The following EPHA5 variants were observed in gnomAD, a reference collection of about 807,000 sequenced individuals.
EPHA5 encodes the protein EPH receptor A5.
Under a neutral mutation model 105.0 loss-of-function variants are expected in EPHA5, and 60 were observed. That is an observed-to-expected ratio of 0.57 (90% confidence interval 0.46 to 0.71). The LOEUF is 0.71. Among genes scored for constraint, EPHA5 ranks in the 30% least tolerant of loss-of-function variants. EPHA5 has a pLI of 0.00. For missense variants in EPHA5, 1,218 were observed against 1,274.7 expected, an observed-to-expected ratio of 0.96 and a Z score of 0.68; for synonymous variants, 513 against 449.1, an observed-to-expected ratio of 1.14 and a Z score of -1.80.
At chr4:65,506,943 T>C (rs964972124) in intron 3 of EPHA5, among the ~76,000 whole-genome samples, 2 of 152,150 alleles carry the variant, frequency 1.3e-5, no homozygotes, top group African/African-American at 2.4e-5. Flanking sequence ...TCCTTGCCCA[T>C]GCCTATGTCC....
At chr4:65,441,571 T>C (rs1042397571) in intron 5 of EPHA5, among the ~76,000 whole-genome samples, 3 of 151,752 alleles carry the variant, frequency 2.0e-5, no homozygotes, top group South Asian at 4.2e-4. Flanking sequence ...GAGGAAGAGA[T>C]AAAGTAAGAA....
intron 4 of EPHA5, among the ~76,000 whole-genome samples, chr4:65,494,977 G>A (rs984901419): frequency 6.2e-5 from 8 of 129,308 alleles, no homozygotes; most frequent in African/African-American, 2.0e-4. Context: ...AAGAGGAGGA[G>A]GAGGAAGAGG....
At chr4:65,405,233 C>G (rs550492101) in intron 7 of EPHA5, among the ~76,000 whole-genome samples, 4 of 151,158 alleles carry the variant, frequency 2.6e-5, no homozygotes, top group Non-Finnish European at 5.9e-5. Context: ...CTTAAATAAG[C>G]AAATAAATTT....
At chr4:65,384,026 A>C (rs1297935866) in intron 8 of EPHA5, among the ~76,000 whole-genome samples, 1 of 151,862 alleles carries the variant, frequency 6.6e-6, no homozygotes, top group Non-Finnish European at 1.5e-5. Context: ...TTTTTCAAAA[A>C]TCGGTTTGTA....
chr4:65,423,967 C>T (rs761683448), intron 5 of EPHA5, among the ~76,000 whole-genome samples: 24 of 151,846 alleles, frequency 1.6e-4, no homozygotes, highest in Non-Finnish European at 2.7e-4. Context: ...CTATATTAAC[C>T]TAAAGATGCA....
chr4:65,342,148 T>C (rs1721789771), intron 14 of EPHA5, among the ~76,000 whole-genome samples: 1 of 116,990 alleles, frequency 8.5e-6, no homozygotes, highest in South Asian at 3.1e-4. Flanking sequence ...CTGGTTTAAG[T>C]CCAAGATTTT....
intron 3 of EPHA5, among the ~76,000 whole-genome samples, chr4:65,558,621 T>C (rs886415592): frequency 8.5e-5 from 13 of 152,056 alleles, no homozygotes; most frequent in Admixed American, 3.9e-4. Flanking sequence ...TATACATGTG[T>C]CATGTTGGTT....
At chr4:65,398,219 G>T (rs571846879) in intron 8 of EPHA5, among the ~76,000 whole-genome samples, 1 of 152,168 alleles carries the variant, frequency 6.6e-6, no homozygotes, top group Non-Finnish European at 1.5e-5. Context: ...TCTGATTTTG[G>T]AGCAAAGTTG....
chr4:65,464,095 C>CA (rs973880861), intron 5 of EPHA5, among the ~76,000 whole-genome samples: 2 of 151,364 alleles, frequency 1.3e-5, no homozygotes, highest in Non-Finnish European at 3.0e-5. Context: ...CAAAGAAGAA[C>CA]AAAAAACTGT....
At chr4:65,472,835 T>A (rs887129697) in intron 5 of EPHA5, among the ~76,000 whole-genome samples, 2 of 152,212 alleles carry the variant, frequency 1.3e-5, no homozygotes, top group Non-Finnish European at 2.9e-5. Flanking sequence ...TGGACACATT[T>A]TCCCCACTGT....
chr4:65,331,221 C>A (rs928810380), intron 16 of EPHA5: 1 of 1,029,294 alleles, frequency 9.7e-7, no homozygotes, highest in Middle Eastern at 4.5e-4. Context: ...TAGATGGAAC[C>A]ACCATAAAGA....
At chr4:65,447,295 C>T (rs190633595) in intron 5 of EPHA5, among the ~76,000 whole-genome samples, 1 of 152,070 alleles carries the variant, frequency 6.6e-6, no homozygotes, top group East Asian at 1.9e-4. Flanking sequence ...ATGATATTCA[C>T]TTAGATATTC....
chr4:65,341,665 T>C (rs1224470459), intron 14 of EPHA5, among the ~76,000 whole-genome samples: 4 of 151,806 alleles, frequency 2.6e-5, no homozygotes, highest in Non-Finnish European at 4.4e-5. Flanking sequence ...TTTTGGAAGA[T>C]AGTGCATTCT....
chr4:65,573,909 C>G, intron 3 of EPHA5: 1 of 1,609,446 alleles, frequency 6.2e-7, no homozygotes, highest in Non-Finnish European at 8.5e-7. Context: ...CGGGACCATT[C>G]TGATCATCCT....
chr4:65,592,990 G>A (rs551620526), intron 3 of EPHA5, among the ~76,000 whole-genome samples: 1 of 152,218 alleles, frequency 6.6e-6, no homozygotes, highest in Admixed American at 6.5e-5. Flanking sequence ...CATCCCAAAA[G>A]GGGGCAAAAT....
At chr4:65,380,378 A>G (rs1719435351) in intron 8 of EPHA5, among the ~76,000 whole-genome samples, 1 of 151,818 alleles carries the variant, frequency 6.6e-6, no homozygotes, top group Non-Finnish European at 1.5e-5. Context: ...AAATTACTTT[A>G]GTCAGCTCTT....
rs115666920 is a variant in EPHA5 at position 65,480,812 on chromosome 4, T to C, written c.1402+9565A>G. Among the ~76,000 whole-genome samples, 572 of 152,192 alleles carry C rather than the reference T, an allele frequency of 3.8e-3. 4 individuals carry two copies. Among genetic ancestry groups the C allele is most frequent in the African/African-American group, 0.013 (548 of 41,542 alleles). ...GCCACTTCATATCCTTTATTAATGC[T>C]CTTTTCTATTTCAACTAGCCAGAGT... On this transcript the variant is annotated intron_variant, in intron 5 of 16. Transcript: ENST00000613740.
At chr4:65,520,169 C>G (rs1425499959) in intron 3 of EPHA5, among the ~76,000 whole-genome samples, 1 of 152,018 alleles carries the variant, frequency 6.6e-6, no homozygotes, top group Non-Finnish European at 1.5e-5. Flanking sequence ...GGTACTGGTA[C>G]CAACACAGAG....
Position 65,476,127 on chromosome 4 carries a change from A to AGTGTGTGTGT in EPHA5, c.1402+14240_1402+14249dup, listed in dbSNP as rs58933650. On this transcript the variant is annotated intron_variant, in intron 5 of 16. Coordinates refer to ENST00000613740, the MANE Select transcript of EPHA5 (RefSeq NM_001281766.3). ...GAGAGAGAGAGAGAGAGAGAGAGAG[A>AGTGTGTGTGT]GTGTGTGTGTGTGTGTGTGTGTGTG... Among the ~76,000 whole-genome samples, 166 of 119,176 alleles carry AGTGTGTGTGT rather than the reference A, an allele frequency of 1.4e-3. 1 individual carries two copies. Among genetic ancestry groups the AGTGTGTGTGT allele is most frequent in the African/African-American group, 4.3e-3 (139 of 32,412 alleles). The allele number at this position is 119,176 out of a possible 152,430, so 78.2% of individuals were successfully genotyped here.
Sources: gnomAD v4.1 joint callset for allele counts (sites outside exome capture counted in the v4.1 genomes callset) on GRCh38, gnomAD v4.1.1 for gene constraint, MANE v1.5 for transcripts, NCBI Gene and HGNC (gene_info 2026-07-23, HGNC 2026-07-21) for gene names.